CDC42BPA: variants seen among roughly 807,000 people sequenced by gnomAD.
CDC42BPA encodes the protein serine/threonine-protein kinase MRCK alpha.
Under a neutral mutation model 223.5 loss-of-function variants are expected in CDC42BPA, and 80 were observed. The ratio of observed to expected loss-of-function variants is 0.36; its 90% confidence interval spans 0.30 to 0.43. The LOEUF (loss-of-function observed/expected upper bound fraction) is 0.43. Ranked by LOEUF, CDC42BPA falls within the 20% of genes least tolerant of loss-of-function variation. The pLI, the probability that CDC42BPA is intolerant of heterozygous loss-of-function variation, is 1.00. For synonymous variants in CDC42BPA, 694 were observed against 718.6 expected (o/e 0.97, Z 0.55); for missense variants, 1,743 against 2,099.9 (o/e 0.83, Z 3.32).
At position 227,029,164 on chromosome 1, in the gene CDC42BPA, T is replaced by A; in HGVS notation, c.3925A>T (p.Asn1309Tyr). ...DQLVAVISGR[N>Y]RHVRLFPMSA... The stretch of plus-strand genomic sequence containing the variant: ...ATAGGAAAAAGTCGTACATGACGAT[T>A]TCGTCCTGAGATCACAGCAACAAGC... Residue 1309 changes from asparagine to tyrosine, a missense_variant, in exon 30 of 37, where the codon AAT (asparagine) becomes TAT (tyrosine). By Grantham distance (143) the Asn-to-Tyr change is moderately radical. Transcript: ENST00000366766. The A allele has an allele frequency of 6.2e-7, 1 of 1,604,228 alleles. No homozygotes were observed. Among genetic ancestry groups the A allele is most frequent in the Non-Finnish European group, 8.5e-7 (1 of 1,179,954 alleles).
At chr1:227,248,530 T>C (rs902320299) in intron 2 of CDC42BPA, among the ~76,000 whole-genome samples, 1 of 152,102 alleles carries the variant, frequency 6.6e-6, no homozygotes, top group Non-Finnish European at 1.5e-5. Context: ...ACAAATAAAA[T>C]TAAATACCTA....
At chr1:227,133,020 A>ACC (rs1657572078) in intron 10 of CDC42BPA, among the ~76,000 whole-genome samples, 1 of 145,574 alleles carries the variant, frequency 6.9e-6, no homozygotes, top group Admixed American at 6.8e-5. Context: ...CCCGGCAGCC[A>ACC]CCCCGTCCGG....
At chr1:227,066,767 G>C (rs1365836462) in intron 21 of CDC42BPA, among the ~76,000 whole-genome samples, 1 of 152,134 alleles carries the variant, frequency 6.6e-6, no homozygotes, top group African/African-American at 2.4e-5. Flanking sequence ...AGTAATAAGG[G>C]CATTATTACT....
intron 2 of CDC42BPA, among the ~76,000 whole-genome samples, chr1:227,216,434 T>C (rs1674865508): frequency 6.6e-6 from 1 of 152,218 alleles, no homozygotes; most frequent in African/African-American, 2.4e-5. Flanking sequence ...ACCTATCTTA[T>C]AACAGTTTCA....
At chr1:227,270,932 T>C (rs1428353807) in intron 1 of CDC42BPA, among the ~76,000 whole-genome samples, 6 of 152,206 alleles carry the variant, frequency 3.9e-5, no homozygotes, top group Admixed American at 3.9e-4. Flanking sequence ...GGCTAAATAA[T>C]ACTCCACTGT....
chr1:227,029,829 T>A (rs1158640336), intron 29 of CDC42BPA, among the ~76,000 whole-genome samples: 1 of 152,172 alleles, frequency 6.6e-6, no homozygotes, highest in Non-Finnish European at 1.5e-5. Context: ...TTTTTTCATG[T>A]TCCATCTTTA....
At chr1:227,124,857 G>A (rs1558551298) in intron 11 of CDC42BPA, among the ~76,000 whole-genome samples, 1 of 152,078 alleles carries the variant, frequency 6.6e-6, no homozygotes, top group African/African-American at 2.4e-5. Flanking sequence ...CTGGGAAGAA[G>A]GAATAGATAT....
intron 24 of CDC42BPA, among the ~76,000 whole-genome samples, chr1:227,039,846 T>C (rs983314226): frequency 4.3e-4 from 59 of 138,596 alleles, no homozygotes; most frequent in African/African-American, 1.5e-3. Flanking sequence ...TTAAACAAGG[T>C]TAAAATTCAA....
At chr1:227,040,008 C>T in intron 24 of CDC42BPA, 123 bp downstream of exon 24, 1 of 686,932 alleles carries the variant, frequency 1.5e-6, no homozygotes, top group East Asian at 2.7e-5. Context: ...TATTTCCATT[C>T]CTGTTATGCA....
At chr1:227,282,344 A>G (rs1235257353) in intron 1 of CDC42BPA, among the ~76,000 whole-genome samples, 1 of 152,196 alleles carries the variant, frequency 6.6e-6, no homozygotes, top group Non-Finnish European at 1.5e-5. Flanking sequence ...TGATTTCATC[A>G]CTTCCTAGGA....
chr1:227,039,943 T>C (rs1246137061), intron 24 of CDC42BPA, among the ~76,000 whole-genome samples, 188 bp downstream of exon 24: 1 of 152,190 alleles, frequency 6.6e-6, no homozygotes, highest in Non-Finnish European at 1.5e-5. Flanking sequence ...TATTTAAATA[T>C]ATTGCCCCTG....
chr1:227,299,285 C>T (rs1691234143), intron 1 of CDC42BPA, among the ~76,000 whole-genome samples: 1 of 152,160 alleles, frequency 6.6e-6, no homozygotes, highest in Admixed American at 6.5e-5. Flanking sequence ...AACTAATGCC[C>T]TCTCACAGCA....
chr1:227,058,982 T>C (rs1675204052), intron 21 of CDC42BPA, among the ~76,000 whole-genome samples: 1 of 147,942 alleles, frequency 6.8e-6, no homozygotes, highest in Admixed American at 6.9e-5. Flanking sequence ...ACATGAATGA[T>C]CAAGTTTTCT....
intron 11 of CDC42BPA, among the ~76,000 whole-genome samples, chr1:227,120,248 A>C (rs998238537): frequency 3.3e-5 from 5 of 152,104 alleles, no homozygotes; most frequent in Middle Eastern, 3.2e-3. Flanking sequence ...GCAACAATAA[A>C]ACCAACCAAA....
At chr1:227,275,701 T>G (rs1049422449) in intron 1 of CDC42BPA, among the ~76,000 whole-genome samples, 1 of 146,814 alleles carries the variant, frequency 6.8e-6, no homozygotes, top group African/African-American at 2.5e-5. Flanking sequence ...GCAACCTCCC[T>G]GCCTGATTCT....
chr1:227,095,158 TCA>T (rs1317721359), intron 15 of CDC42BPA, among the ~76,000 whole-genome samples: 1 of 152,228 alleles, frequency 6.6e-6, no homozygotes, highest in Non-Finnish European at 1.5e-5. Flanking sequence ...AAATTAAAAG[TCA>T]CACTCATTTA....
chr1:227,107,909 T>C (rs1364585436), intron 14 of CDC42BPA, among the ~76,000 whole-genome samples: 1 of 152,184 alleles, frequency 6.6e-6, no homozygotes, highest in African/African-American at 2.4e-5. Context: ...TTTTGTTTTC[T>C]GTTGGTCAGT....
rs1673720472 is a variant in CDC42BPA, at chr1:227,210,682, A to AT, written c.354+2453dup. On this transcript the variant is annotated intron_variant, in intron 3 of 36. Transcript: ENST00000366766. ...TGAAAAAAGTATAAACTTTAATTCA[A>AT]TTTTTTAAAAGTTCTAACTCTGAAA... Among the ~76,000 whole-genome samples, 9 of 152,266 alleles carry AT rather than the reference A, an allele frequency of 5.9e-5. No individual in the cohort carries two copies. The South Asian group carries it at 1.9e-3, about 32-fold the overall frequency.
chr1:226,999,467 C>T (rs148620312), intron 35 of CDC42BPA, among the ~76,000 whole-genome samples: 3,131 of 152,202 alleles, frequency 0.021, 119 homozygotes, highest in African/African-American at 0.071. Flanking sequence ...TGAGCCACCG[C>T]GCCCAGCCTA....
Sources: gnomAD v4.1 joint callset for allele counts (sites outside exome capture counted in the v4.1 genomes callset) on GRCh38, gnomAD v4.1.1 for gene constraint, MANE v1.5 for transcripts, NCBI Gene and HGNC (gene_info 2026-07-23, HGNC 2026-07-21) for gene names.